BBS9: variants seen among roughly 807,000 people sequenced by gnomAD.
BBS9 encodes Bardet-Biedl syndrome 9.
BBS9 carries 89 observed loss-of-function variants against 117.7 expected under a neutral mutation model. That is an observed-to-expected ratio of 0.76 (90% confidence interval 0.64 to 0.90). BBS9 has a LOEUF of 0.90. BBS9 is among the 40% of genes least tolerant of loss of function. BBS9 has a pLI of 0.00. For missense variants in BBS9, 982 were observed against 1,042.2 expected (o/e 0.94, Z 0.80); for synonymous variants, 379 against 370.9 (o/e 1.02, Z -0.25).
intron 9 of BBS9, among the ~76,000 whole-genome samples, chr7:33,300,530 TG>T (rs1337407259): frequency 6.6e-6 from 1 of 152,152 alleles, no homozygotes; most frequent in African/African-American, 2.4e-5. Context: ...GTAGGGGAAA[TG>T]TAGACCAAGG....
downstream of BBS9, among the ~76,000 whole-genome samples, chr7:33,608,095 T>A (rs1236033044): frequency 1.3e-5 from 2 of 152,050 alleles, no homozygotes; most frequent in Admixed American, 6.6e-5. Flanking sequence ...TATCTTCAAG[T>A]CCATGAGTAC....
rs181700146 is a variant in BBS9 at position 33,485,686 on chromosome 7, G to A, written c.2116-19777G>A. Among the ~76,000 whole-genome samples, 3 of 152,296 alleles carry A rather than the reference G, an allele frequency of 2.0e-5. No individual in the cohort carries two copies. In the East Asian group the frequency reaches 5.8e-4, roughly 29 times the overall value. On this transcript the variant is annotated intron_variant, in intron 19 of 22. Coordinates refer to ENST00000242067, the MANE Select transcript of BBS9 (RefSeq NM_198428.3). The stretch of plus-strand genomic sequence containing the variant: ...TTTTCTTCTGAGTCTTTATAAGGTA[G>A]ACATTGGGTGATATAATGAATAACA...
chr7:33,447,733 T>G (rs758541120), intron 19 of BBS9, among the ~76,000 whole-genome samples: 4 of 152,228 alleles, frequency 2.6e-5, no homozygotes, highest in Non-Finnish European at 4.4e-5. Flanking sequence ...CCTGTGATTT[T>G]AAAATCACAC....
chr7:33,211,534 C>T (rs530196533), intron 5 of BBS9, among the ~76,000 whole-genome samples: 1 of 151,966 alleles, frequency 6.6e-6, no homozygotes, highest in East Asian at 1.9e-4. Context: ...TGTTGTTTCT[C>T]TTTATGTCTT....
chr7:33,540,120 G>A (rs1852042446), intron 21 of BBS9, among the ~76,000 whole-genome samples: 1 of 152,192 alleles, frequency 6.6e-6, no homozygotes, highest in Non-Finnish European at 1.5e-5. Flanking sequence ...TAAAAACTTA[G>A]AATGTGTTAA....
At chr7:33,580,464 T>A (rs568717649) in intron 21 of BBS9, among the ~76,000 whole-genome samples, 3 of 152,108 alleles carry the variant, frequency 2.0e-5, no homozygotes, top group African/African-American at 7.2e-5. Context: ...ATGAAGTAGG[T>A]AACAGTCAAG....
rs1385286872 is a variant in BBS9 at position 33,199,703 on chromosome 7, A to G, written c.442+22112A>G. On this transcript the variant is annotated intron_variant, in intron 5 of 22. Coordinates refer to ENST00000242067, the MANE Select transcript of BBS9 (RefSeq NM_198428.3). Reference sequence around the variant, plus strand: ...TGGCAATTTTAAATGAAGGTGGGATAATTTAAAAAGACTCTTTAAATATGG... The same window carrying G: ...TGGCAATTTTAAATGAAGGTGGGATGATTTAAAAAGACTCTTTAAATATGG... 2.6e-5 allele frequency among the ~76,000 whole-genome samples: 4 copies of G among 151,866 alleles called. No individual in the cohort carries two copies. In the East Asian group the frequency reaches 7.7e-4, roughly 29 times the overall value.
intron 19 of BBS9, among the ~76,000 whole-genome samples, chr7:33,394,375 GAAC>G (rs959852044): frequency 2.0e-5 from 3 of 151,990 alleles, no homozygotes; most frequent in African/African-American, 7.3e-5. Flanking sequence ...ACATAGAGGG[GAAC>G]AACACACACT....
chr7:33,579,925 T>A (rs1239061346), intron 21 of BBS9, among the ~76,000 whole-genome samples: 5 of 152,202 alleles, frequency 3.3e-5, no homozygotes, highest in Non-Finnish European at 5.9e-5. Flanking sequence ...AAGAACTCTC[T>A]TTTCTGTGTC....
At chr7:33,598,679 T>C (rs1220710729) in intron 21 of BBS9, among the ~76,000 whole-genome samples, 2 of 152,252 alleles carry the variant, frequency 1.3e-5, no homozygotes, top group Non-Finnish European at 2.9e-5. Context: ...TAGAGAAAAA[T>C]TTTTTTACCG....
At chr7:33,588,356 A>G (rs1200612047) in intron 21 of BBS9, among the ~76,000 whole-genome samples, 2 of 152,128 alleles carry the variant, frequency 1.3e-5, no homozygotes, top group Non-Finnish European at 2.9e-5. Context: ...CCAACCTCCC[A>G]GCGGAAAAGG....
intron 5 of BBS9, among the ~76,000 whole-genome samples, chr7:33,256,544 G>A (rs539279291): frequency 1.3e-5 from 2 of 152,032 alleles, no homozygotes; most frequent in African/African-American, 4.8e-5. Flanking sequence ...TTGCTTAGCT[G>A]TATGATTGTC....
intron 10 of BBS9, 73 bp from the exon 11 acceptor site, chr7:33,340,824 A>C: frequency 7.3e-7 from 1 of 1,362,360 alleles, no homozygotes; most frequent in Non-Finnish European, 1.0e-6. Context: ...GGTATAGACA[A>C]ACCTTTAAAG....
chr7:33,450,785 A>T (rs1238562625), intron 19 of BBS9, among the ~76,000 whole-genome samples: 1 of 151,400 alleles, frequency 6.6e-6, no homozygotes, highest in Non-Finnish European at 1.5e-5. Context: ...TCTTTGTCAC[A>T]TACATGGTTT....
At chr7:33,140,536 A>G (rs1791291020) in intron 1 of BBS9, among the ~76,000 whole-genome samples, 1 of 152,190 alleles carries the variant, frequency 6.6e-6, no homozygotes, top group Non-Finnish European at 1.5e-5. Flanking sequence ...GAATTTGGGT[A>G]ATATTTTGCT....
intron 19 of BBS9, among the ~76,000 whole-genome samples, chr7:33,426,668 A>T (rs182169218): frequency 4.2e-5 from 6 of 143,166 alleles, no homozygotes; most frequent in African/African-American, 1.6e-4. Flanking sequence ...GTTCTGCTTT[A>T]AAAAAAAAAA....
chr7:33,254,465 A>G (rs1159910642), intron 5 of BBS9, among the ~76,000 whole-genome samples: 1 of 152,196 alleles, frequency 6.6e-6, no homozygotes, highest in South Asian at 2.1e-4. Context: ...TGATTACCAG[A>G]ATCAAGCTAA....
At chr7:33,555,500 T>C (rs572457908) in intron 21 of BBS9, among the ~76,000 whole-genome samples, 1 of 152,278 alleles carries the variant, frequency 6.6e-6, no homozygotes, top group East Asian at 1.9e-4. Flanking sequence ...AGGCAAGAGA[T>C]GATGGAGGCT....
chr7:33,438,766 A>G (rs761452514), intron 19 of BBS9, among the ~76,000 whole-genome samples: 3 of 152,348 alleles, frequency 2.0e-5, no homozygotes, highest in Non-Finnish European at 4.4e-5. Context: ...ATACATGCTA[A>G]TATTTAACGC....
Sources: allele counts gnomAD v4.1 joint callset (sites outside exome capture counted in the v4.1 genomes callset), GRCh38; gene constraint gnomAD v4.1.1; transcripts MANE v1.5; gene names NCBI Gene and HGNC (gene_info 2026-07-23, HGNC 2026-07-21).